Variants in DOCK8 observed in about 807,000 individuals in gnomAD.
DOCK8 encodes the protein dedicator of cytokinesis protein 8.
A neutral mutation model predicts 245.6 loss-of-function variants in DOCK8; 141 were observed. The observed-to-expected ratio is 0.57, with a 90% confidence interval of 0.50 to 0.66. DOCK8 has a LOEUF of 0.66. DOCK8 is among the 30% of genes least tolerant of loss of function. DOCK8 has a pLI of 0.00. For synonymous variants in DOCK8, 1,168 were observed against 970.2 expected (o/e 1.20, Z -3.79); for missense variants, 2,965 against 2,603.4 (o/e 1.14, Z -3.02).
chr9:392,249 A>G (rs151306451), intron 24 of DOCK8, among the ~76,000 whole-genome samples: 11 of 152,302 alleles, frequency 7.2e-5, no homozygotes, highest in African/African-American at 2.6e-4. Context: ...GCTGAACAAT[A>G]GGACACAGAG....
chr9:342,840 C>G (rs772792991), intron 14 of DOCK8, among the ~76,000 whole-genome samples: 2 of 152,200 alleles, frequency 1.3e-5, no homozygotes, highest in South Asian at 2.1e-4. Flanking sequence ...CTTGTTGATA[C>G]GCATTTAAGT....
chr9:300,246 A>G (rs1050039621), intron 4 of DOCK8, among the ~76,000 whole-genome samples: 1 of 152,224 alleles, frequency 6.6e-6, no homozygotes, highest in East Asian at 1.9e-4. Context: ...TTGGTCAAAT[A>G]CCTGCTCTCT....
intron 4 of DOCK8, among the ~76,000 whole-genome samples, chr9:295,654 C>A (rs2049231230): frequency 6.6e-6 from 1 of 152,154 alleles, no homozygotes; most frequent in Non-Finnish European, 1.5e-5. Context: ...TATCCAGAAC[C>A]AAGCAGTCAA....
chr9:398,650 A>C (rs956905161), intron 25 of DOCK8, among the ~76,000 whole-genome samples: 8 of 152,216 alleles, frequency 5.3e-5, no homozygotes, highest in African/African-American at 1.9e-4. Context: ...GACCTCTCTT[A>C]GGCTGGAAAT....
At chr9:400,245 C>T (rs1202360212) in intron 26 of DOCK8, among the ~76,000 whole-genome samples, 5 of 106,172 alleles carry the variant, frequency 4.7e-5, no homozygotes, top group East Asian at 3.3e-4. Flanking sequence ...TCACCACCAC[C>T]TCCACCATCA....
intron 13 of DOCK8, among the ~76,000 whole-genome samples, chr9:339,430 A>G (rs1211992290): frequency 1.3e-5 from 2 of 152,226 alleles, no homozygotes; most frequent in African/African-American, 4.8e-5. Context: ...ATGCTTTGGT[A>G]GAAGGCAAAG....
At chr9:341,134 T>C (rs1294051343) in intron 14 of DOCK8, among the ~76,000 whole-genome samples, 2 of 152,252 alleles carry the variant, frequency 1.3e-5, no homozygotes, top group Non-Finnish European at 2.9e-5. Context: ...ATGTAGCTGT[T>C]CAGCATTTGA....
At chr9:349,686 A>G (rs570139680) in intron 14 of DOCK8, among the ~76,000 whole-genome samples, 1 of 152,214 alleles carries the variant, frequency 6.6e-6, no homozygotes, top group South Asian at 2.1e-4. Context: ...ACTTCTGTCA[A>G]TCAGCTCACA....
In DOCK8 at chr9:379,871, G is replaced by A. The variant is rs1176618053; in HGVS notation, c.2541G>A (p.Leu847=). 4 of 1,614,124 alleles carry A rather than the reference G, an allele frequency of 2.5e-6. No homozygotes were observed. The East Asian group carries it at 8.9e-5, about 36-fold the overall frequency. Residue 847 remains leucine (L), a synonymous_variant, in exon 21 of 48, where the codon CTG becomes CTA. Transcript: ENST00000432829. The stretch of plus-strand genomic sequence containing the variant: ...AGGACCAGCATGGGAGGAACTGCCT[G>A]CTGGCTTCCTACGTGCACTACGTCT... ...LSKDQHGRNC[L]LASYVHYVFR...
intron 10 of DOCK8, among the ~76,000 whole-genome samples, chr9:333,758 T>C (rs916544059): frequency 2.0e-5 from 3 of 152,182 alleles, no homozygotes; most frequent in South Asian, 4.1e-4. Context: ...CTTGGAAGTA[T>C]TGTAAACTTC....
intron 43 of DOCK8, 99 bp downstream of exon 43, chr9:443,615 C>A: frequency 2.1e-6 from 2 of 936,388 alleles, no homozygotes; most frequent in South Asian, 1.4e-5. Context: ...CTCTCCAAGT[C>A]ACTTAAATGC....
chr9:403,960 G>GTA (rs773503416), intron 26 of DOCK8, among the ~76,000 whole-genome samples: 203 of 67,250 alleles, frequency 3.0e-3, no homozygotes, highest in Middle Eastern at 8.2e-3. Context: ...ATATATATAT[G>GTA]TATATATATA....
Position 421,069 on chromosome 9 carries a change from C to T in DOCK8, c.4144C>T (p.Arg1382Trp), listed in dbSNP as rs2056256246. 3.7e-6 allele frequency: 6 copies of T among 1,614,076 alleles called. No homozygotes were observed. The highest frequency in any genetic ancestry group is 5.1e-6 in the Non-Finnish European group (6 of 1,180,030). ...EGARGEMMRR[R>W]APGNDRFPGL... is the part of the protein sequence containing the mutation. ...GGCCAGAGGGGAGATGATGCGCCGCCGGGCTCCAGGTGTGTTGGACTGGCC... is the reference window on the plus strand; with the variant it reads ...GGCCAGAGGGGAGATGATGCGCCGCTGGGCTCCAGGTGTGTTGGACTGGCC... The change falls in exon 32 of 48, where the codon CGG becomes TGG. Residue 1382 changes from arginine (R) to tryptophan (W), a missense_variant. Coordinates refer to ENST00000432829, the MANE Select transcript of DOCK8 (RefSeq NM_203447.4).
intron 43 of DOCK8, 149 bp from the exon 44 acceptor site, chr9:446,218 TCTG>T: frequency 1.4e-6 from 1 of 734,924 alleles, no homozygotes; most frequent in Non-Finnish European, 2.5e-6. Flanking sequence ...AGGAGGAACT[TCTG>T]CTGGCCACAT....
chr9:282,913 C>T (rs567008240), intron 2 of DOCK8, among the ~76,000 whole-genome samples: 1 of 152,234 alleles, frequency 6.6e-6, no homozygotes, highest in African/African-American at 2.4e-5. Context: ...TGATATTCTT[C>T]ACAATAAGTT....
chr9:446,800 T>G (rs1021955418), intron 44 of DOCK8, among the ~76,000 whole-genome samples, 194 bp downstream of exon 44: 5 of 152,156 alleles, frequency 3.3e-5, no homozygotes, highest in African/African-American at 4.8e-5. Context: ...TTTATAGCAC[T>G]ATTGTATATT....
At chr9:343,863 A>G (rs553418983) in intron 14 of DOCK8, among the ~76,000 whole-genome samples, 33 of 152,338 alleles carry the variant, frequency 2.2e-4, no homozygotes, top group African/African-American at 7.7e-4. Context: ...TAGTTATTCA[A>G]CTTCCCCTCA....
chr9:400,995 C>CCTCCACCATCACCACCTCCTTCACCAT (rs2055050172), intron 26 of DOCK8, among the ~76,000 whole-genome samples: 1 of 54,636 alleles, frequency 1.8e-5, no homozygotes, highest in Admixed American at 1.8e-4. Flanking sequence ...TCCTCCACCA[C>CCTCCACCATCACCACCTCCTTCACCAT]CACCACCATT....
intron 14 of DOCK8, among the ~76,000 whole-genome samples, chr9:364,320 G>T (rs2052873991): frequency 6.6e-6 from 1 of 152,132 alleles, no homozygotes; most frequent in African/African-American, 2.4e-5. Flanking sequence ...ATAAAGCTTT[G>T]TACATACAGT....
Sources: allele counts gnomAD v4.1 joint callset (sites outside exome capture counted in the v4.1 genomes callset), GRCh38; gene constraint gnomAD v4.1.1; transcripts MANE v1.5; gene names NCBI Gene and HGNC (gene_info 2026-07-23, HGNC 2026-07-21).